The following MYO7B variants were observed in gnomAD, a reference collection of about 807,000 sequenced individuals.
The protein encoded by MYO7B is myosin VIIB, also known as unconventional myosin-VIIb.
MYO7B carries 212 observed loss-of-function variants against 259.7 expected under a neutral mutation model. The observed-to-expected ratio is 0.82, with a 90% CI of 0.73 to 0.91. The LOEUF (loss-of-function observed/expected upper bound fraction) is 0.91. Ranked by LOEUF, MYO7B falls within the 40% of genes least tolerant of loss-of-function variation. The pLI is 0.00. For missense variants in MYO7B, 2,732 were observed against 2,813.5 expected, an observed-to-expected ratio of 0.97 and a Z score of 0.66; for synonymous variants, 1,197 against 1,166.4, an observed-to-expected ratio of 1.03 and a Z score of -0.54.
chr2:127,617,487 G>GGTTTT (rs1680614627), intron 26 of MYO7B, among the ~76,000 whole-genome samples: 1 of 84,826 alleles, frequency 1.2e-5, no homozygotes, highest in Non-Finnish European at 2.2e-5. Flanking sequence ...TTGTAACGGG[G>GGTTTT]TTTTTTTTTT....
chr2:127,623,137 T>TG (rs1669725076), intron 28 of MYO7B, 65 bp from the exon 29 acceptor site: 3 of 1,575,438 alleles, frequency 1.9e-6, no homozygotes, highest in South Asian at 1.1e-5. Flanking sequence ...AGGTAGTGGA[T>TG]GGGGGGTTGG....
At chr2:127,558,849 C>T (rs570799681) in intron 1 of MYO7B, among the ~76,000 whole-genome samples, 14 of 151,940 alleles carry the variant, frequency 9.2e-5, no homozygotes, top group Non-Finnish European at 1.8e-4. Flanking sequence ...TATGAGGATG[C>T]AAAGGTGTAA....
At position 127,615,075 on chromosome 2, in the gene MYO7B, T is replaced by C. The variant is rs1680519184; in HGVS notation, c.3398+2472T>C. Among the ~76,000 whole-genome samples the C allele has an allele frequency of 6.6e-6, 1 of 152,026 alleles. No individual in the cohort carries two copies. ...GTCCTGGAGGAGCTCACCCTTTAGCTGGGGGGCACGAGAGGACCAGGAAAT... is the reference window on the plus strand; with the variant it reads ...GTCCTGGAGGAGCTCACCCTTTAGCCGGGGGGCACGAGAGGACCAGGAAAT... On this transcript the variant is annotated intron_variant, in intron 26 of 47. Coordinates refer to ENST00000409816, the MANE Select transcript of MYO7B (RefSeq NM_001393586.1). This position sits in a 1 kb window ranked among gnomAD's most constrained non-coding sequence, Gnocchi z 4.4.
chr2:127,544,647 C>T (rs13035004), intron 1 of MYO7B, among the ~76,000 whole-genome samples: 56,825 of 143,638 alleles, frequency 0.4, 13,334 homozygotes, highest in East Asian at 0.58. Flanking sequence ...GTGGCGCTAT[C>T]TCGGCTCACT....
rs781641405 is a variant in MYO7B, at chr2:127,576,721, C to T, written c.849+13C>T. The T allele has an allele frequency of 3.3e-6, 5 of 1,531,910 alleles. No individual in the cohort carries two copies. The highest frequency in any genetic ancestry group is 1.7e-5 in the Admixed American group (1 of 58,684). 94.9% of individuals were successfully genotyped at this position (1,531,910 alleles called of 1,614,324 possible). Reference sequence around the variant, plus strand: ...CTACCTGACCATGGTGAGCTGCCCACCTGCCGCCTCCCAGTAGCCAGTGGA... The same window carrying T: ...CTACCTGACCATGGTGAGCTGCCCATCTGCCGCCTCCCAGTAGCCAGTGGA... On this transcript the variant is annotated intron_variant, in intron 8 of 47. Transcript: ENST00000409816. The surrounding 1 kb of genome is among the most constrained non-coding windows in gnomAD (Gnocchi z 4.9).
intron 20 of MYO7B, 130 bp downstream of exon 20, chr2:127,606,058 T>C: frequency 1.4e-6 from 1 of 712,800 alleles, no homozygotes; most frequent in Non-Finnish European, 2.4e-6. Context: ...TTCACAGACG[T>C]GGCATGCAAA....
chr2:127,636,376 C>G lies in MYO7B; in HGVS notation c.6123+52C>G. 1 of 1,546,962 alleles carries G rather than the reference C, an allele frequency of 6.5e-7. No homozygotes were observed. The highest frequency in any genetic ancestry group is 8.9e-7 in the Non-Finnish European group (1 of 1,121,834). On this transcript the variant is annotated intron_variant, in intron 45 of 47. Coordinates refer to ENST00000409816, the MANE Select transcript of MYO7B (RefSeq NM_001393586.1). This position sits in a 1 kb window ranked among gnomAD's most constrained non-coding sequence, Gnocchi z 4.5. Reference sequence around the variant, plus strand: ...CCTACCCAAGCAGGCTCCGCTCAGCCCAGCCCCAGCAGGCCCAGCGTCAAC... The same window carrying G: ...CCTACCCAAGCAGGCTCCGCTCAGCGCAGCCCCAGCAGGCCCAGCGTCAAC...
Position 127,540,043 on chromosome 2 carries a change from G to T in MYO7B, c.-24+4212G>T, listed in dbSNP as rs140777193. ...TTTTATGGCTGAGTAGTATTCCATG[G>T]TGTACGTATACCACATTTTCTTTAT... On this transcript the variant is annotated intron_variant, in intron 1 of 47. Transcript: ENST00000409816. Among the ~76,000 whole-genome samples, 153 of 152,288 alleles carry T rather than the reference G, an allele frequency of 1.0e-3. 1 individual carries two copies. In the East Asian group the frequency reaches 0.015, roughly 15 times the overall value.
chr2:127,570,828 A>G (rs951239903), intron 6 of MYO7B, among the ~76,000 whole-genome samples: 7 of 147,728 alleles, frequency 4.7e-5, no homozygotes, highest in Admixed American at 4.7e-4. Flanking sequence ...TGTCTTTTCC[A>G]GAACGTCATA....
At position 127,636,011 on chromosome 2, in the gene MYO7B, TG is replaced by T. The variant is rs1681782159; in HGVS notation, c.6006+107del. The T allele has an allele frequency of 7.2e-6, 10 of 1,392,266 alleles. No individual in the cohort carries two copies. Among genetic ancestry groups the T allele is most frequent in the Admixed American group, 2.2e-5 (1 of 44,512 alleles). The allele number at this position is 1,392,266 out of a possible 1,614,324, so 86.2% of individuals were successfully genotyped here. On this transcript the variant is annotated intron_variant, in intron 44 of 47. Coordinates refer to ENST00000409816, the MANE Select transcript of MYO7B (RefSeq NM_001393586.1). The surrounding 1 kb of genome is among the most constrained non-coding windows in gnomAD (Gnocchi z 4.5). ...GGCTCCAAGATCACATGGGTGCACA[TG>T]GGTGGTGTGGAGGGTGGGCTGGCTC... is the stretch of plus-strand genomic sequence containing the variant.
Position 127,623,232 on chromosome 2 carries a change from C to A in MYO7B, c.3676C>A (p.Gln1226Lys), listed in dbSNP as rs1282827017. ...CAAGTCCAAGAAGCACATCCCCATC[C>A]AAGTCATCTTGGCCACTGGAGAGAG... ...AVKSKKHIPI[Q>K]VILATGESLT... Residue 1226 changes from glutamine (Q) to lysine (K), a missense_variant, in exon 29 of 48, where the codon CAA becomes AAA. Coordinates refer to ENST00000409816, the MANE Select transcript of MYO7B (RefSeq NM_001393586.1). 1.2e-6 allele frequency: 2 copies of A among 1,613,672 alleles called. No homozygotes were observed. Among genetic ancestry groups the A allele is most frequent in the South Asian group, 2.2e-5 (2 of 91,088 alleles).
chr2:127,559,605 G>C lies in MYO7B; in HGVS notation c.-23-95G>C. ...AGCCAGGTCCCATGCCGGGCACTTA[G>C]GGAAGTGTTGGTGAACAAGCCCAGC... On this transcript the variant is annotated intron_variant, in intron 1 of 47. Coordinates refer to ENST00000409816, the MANE Select transcript of MYO7B (RefSeq NM_001393586.1). This position sits in a 1 kb window ranked among gnomAD's most constrained non-coding sequence, Gnocchi z 4.1. 3 of 1,132,296 alleles carry C rather than the reference G, an allele frequency of 2.6e-6. No homozygotes were observed. The South Asian group carries it at 3.7e-5, about 14-fold the overall frequency. The allele number at this position is 1,132,296 out of a possible 1,614,324, so 70.1% of individuals were successfully genotyped here.
chr2:127,582,027 G>A lies in MYO7B; in HGVS notation c.1200+17G>A, dbSNP rs776184508. On this transcript the variant is annotated intron_variant, in intron 11 of 47. Coordinates refer to ENST00000409816, the MANE Select transcript of MYO7B (RefSeq NM_001393586.1). ...TTTGTCAAGGTACAGAGCTGAGAGAGCAGGGCTTACATGGCCATCTGTTGA... is the reference window on the plus strand; with the variant it reads ...TTTGTCAAGGTACAGAGCTGAGAGAACAGGGCTTACATGGCCATCTGTTGA... 103 of 1,613,278 alleles carry A rather than the reference G, an allele frequency of 6.4e-5. 1 individual carries two copies. The South Asian group carries it at 8.3e-4, about 13-fold the overall frequency.
intron 12 of MYO7B, among the ~76,000 whole-genome samples, chr2:127,582,679 T>C (rs954710623): frequency 4.6e-5 from 7 of 152,132 alleles, no homozygotes; most frequent in Non-Finnish European, 8.8e-5. Flanking sequence ...TTGTCACCCT[T>C]CTTGGGCCAC....
intron 1 of MYO7B, among the ~76,000 whole-genome samples, chr2:127,540,892 G>T (rs374759386): frequency 6.6e-6 from 1 of 152,212 alleles, no homozygotes; most frequent in Admixed American, 6.5e-5. Context: ...TCTCTCTAAT[G>T]AAGAATAATT....
In MYO7B at chr2:127,539,252, G is replaced by A. The variant is rs1295744218; in HGVS notation, c.-24+3421G>A. 6.6e-6 allele frequency among the ~76,000 whole-genome samples: 1 copy of A among 152,166 alleles called. No individual in the cohort carries two copies. ...AAAAATAAAATAAGCTGGGACGTAG[G>A]ATAAATGAAGGTAGGAAAATACACT... On this transcript the variant is annotated intron_variant, in intron 1 of 47. Coordinates refer to ENST00000409816, the MANE Select transcript of MYO7B (RefSeq NM_001393586.1). The surrounding 1 kb of genome is among the most constrained non-coding windows in gnomAD (Gnocchi z 4.0).
chr2:127,578,163 G>A lies in MYO7B; in HGVS notation c.880G>A (p.Asp294Asn), dbSNP rs748548348. The A allele has an allele frequency of 4.3e-6, 7 of 1,613,760 alleles. No individual in the cohort carries two copies. In the Admixed American group the frequency reaches 5.0e-5, roughly 12 times the overall value. ...CTGCACTTCCTGTGAGGGGCTCAAC[G>A]ACGCCAAGGACTACGCCCACATCCG... is the stretch of plus-strand genomic sequence containing the variant. ...GNCTSCEGLN[D>N]AKDYAHIRSA... is the part of the protein sequence containing the mutation. The change falls in exon 9 of 48, where the codon GAC (aspartate) becomes AAC (asparagine). Residue 294 changes from aspartate to asparagine, a missense_variant. Physicochemically the swap from Asp to Asn is conservative, Grantham distance 23. Transcript: ENST00000409816.
At position 127,636,392 on chromosome 2, in the gene MYO7B, C is replaced by A; in HGVS notation, c.6123+68C>A. 6.7e-7 allele frequency: 1 copy of A among 1,486,372 alleles called. No individual in the cohort carries two copies. Among genetic ancestry groups the A allele is most frequent in the Non-Finnish European group, 9.3e-7 (1 of 1,069,706 alleles). The allele number at this position is 1,486,372 out of a possible 1,614,324, so 92.1% of individuals were successfully genotyped here. On this transcript the variant is annotated intron_variant, in intron 45 of 47. Transcript: ENST00000409816. This position sits in a 1 kb window ranked among gnomAD's most constrained non-coding sequence, Gnocchi z 4.5. ...CCGCTCAGCCCAGCCCCAGCAGGCCCAGCGTCAACCAGCACACATCTTGGG... is the reference window on the plus strand; with the variant it reads ...CCGCTCAGCCCAGCCCCAGCAGGCCAAGCGTCAACCAGCACACATCTTGGG...
chr2:127,634,185 G>A lies in MYO7B; in HGVS notation c.5521G>A (p.Val1841Met), dbSNP rs950043100. The A allele has an allele frequency of 1.9e-6, 3 of 1,603,592 alleles. No homozygotes were observed. The highest frequency in any genetic ancestry group is 1.1e-5 in the South Asian group (1 of 89,124). Residue 1841 changes from valine to methionine, a missense_variant, in exon 41 of 48, where the codon GTG (valine) becomes ATG (methionine). Around this residue, in one of 3 missense-constraint regions of MYO7B, gnomAD observed 821 missense variants for 769.3 expected, o/e 1.07. Transcript: ENST00000409816. Reference protein sequence around the residue: ...FPNDTSEMLEVVANTRVRDVC... With the variant: ...FPNDTSEMLEMVANTRVRDVC... Reference sequence around the variant, plus strand: ...CTGCCTCTCTGTCCAGATGCTGGAGGTGGTTGCCAACACACGGGTGCGGGA... The same window carrying A: ...CTGCCTCTCTGTCCAGATGCTGGAGATGGTTGCCAACACACGGGTGCGGGA...
Sources: allele counts gnomAD v4.1 joint callset (sites outside exome capture counted in the v4.1 genomes callset), GRCh38; gene constraint gnomAD v4.1.1; regional missense constraint gnomAD v4.1.1; non-coding constraint Gnocchi (gnomAD v3.1); transcripts MANE v1.5; gene names NCBI Gene and HGNC (gene_info 2026-07-23, HGNC 2026-07-21).